Variants in RAB30 observed in about 807,000 individuals in gnomAD.
RAB30 encodes the protein ras-related protein Rab-30.
In RAB30, 9 loss-of-function variants were observed where a neutral mutation model predicts 25.1. The ratio of observed to expected loss-of-function variants is 0.36; its 90% CI spans 0.22 to 0.63. RAB30 has a LOEUF of 0.63. Among genes scored for constraint, RAB30 ranks in the 20% least tolerant of loss-of-function variants. RAB30 has a pLI of 0.69. For missense variants in RAB30, 140 were observed against 243.5 expected (o/e 0.58, Z 2.83); for synonymous variants, 77 against 86.4 (o/e 0.89, Z 0.60).
intron 3 of RAB30, among the ~76,000 whole-genome samples, chr11:82,992,866 CT>C (rs1234695297): frequency 1.3e-5 from 2 of 152,144 alleles, no homozygotes; most frequent in Non-Finnish European, 2.9e-5. Context: ...TCTCACTCAG[CT>C]TCCCGAGTAG....
At chr11:83,042,146 C>T (rs1039429065) in intron 1 of RAB30, among the ~76,000 whole-genome samples, 1 of 152,074 alleles carries the variant, frequency 6.6e-6, no homozygotes, top group African/African-American at 2.4e-5. Context: ...GGGAACACGC[C>T]TTACCATTCT....
intron 1 of RAB30, among the ~76,000 whole-genome samples, chr11:83,029,213 C>T (rs1438817779): frequency 6.6e-6 from 1 of 152,118 alleles, no homozygotes; most frequent in African/African-American, 2.4e-5. Flanking sequence ...AACAACCCCA[C>T]TGCCATTAAA....
intron 1 of RAB30, among the ~76,000 whole-genome samples, chr11:83,011,814 C>G (rs754387559): frequency 7.9e-5 from 12 of 152,124 alleles, no homozygotes; most frequent in South Asian, 2.1e-4. Flanking sequence ...GTTTTCCCTG[C>G]CTTCTTCCTG....
intron 1 of RAB30, among the ~76,000 whole-genome samples, chr11:83,003,271 C>G (rs898004141): frequency 6.6e-6 from 1 of 152,098 alleles, no homozygotes; most frequent in Non-Finnish European, 1.5e-5. Context: ...AATGGTTTTT[C>G]CCACCATTCT....
chr11:82,982,839 G>A (rs1273166565), intron 4 of RAB30, among the ~76,000 whole-genome samples: 1 of 151,986 alleles, frequency 6.6e-6, no homozygotes, highest in African/African-American at 2.4e-5. Flanking sequence ...TCTAGCTTGG[G>A]TGACAGAGTG....
Position 82,987,733 on chromosome 11 carries a change from C to T in RAB30, c.215G>A (p.Arg72Gln). 6.2e-7 allele frequency: 1 copy of T among 1,611,666 alleles called. No individual in the cohort carries two copies. The highest frequency in any genetic ancestry group is 8.5e-7 in the Non-Finnish European group (1 of 1,178,702). The change falls in exon 4 of 5, where the codon CGG becomes CAG. Residue 72 changes from arginine (R) to glutamine (Q), a missense_variant. Transcript: ENST00000527633. Reference protein sequence around the residue: ...IWDTAGQERFRSITQSYYRSA... With the variant: ...IWDTAGQERFQSITQSYYRSA... ...TCGGTAGTAACTCTGGGTAATGGAC[C>T]GAAATCTCTCTTGACCTGCTGTGTC...
At chr11:83,017,953 T>G (rs902101988) in intron 1 of RAB30, among the ~76,000 whole-genome samples, 1 of 152,254 alleles carries the variant, frequency 6.6e-6, no homozygotes, top group Non-Finnish European at 1.5e-5. Context: ...GGAATCTCTG[T>G]ACAGTTTTCC....
intron 1 of RAB30, among the ~76,000 whole-genome samples, chr11:83,014,737 TAAGAA>T (rs1427820246): frequency 2.5e-5 from 2 of 78,542 alleles, no homozygotes; most frequent in Non-Finnish European, 5.5e-5. Flanking sequence ...GAAAAAGAAA[TAAGAA>T]AGAAAAAGAA....
chr11:83,058,908 C>G (rs1858508486), intron 1 of RAB30, among the ~76,000 whole-genome samples: 1 of 152,196 alleles, frequency 6.6e-6, no homozygotes, highest in South Asian at 2.1e-4. Context: ...TAAAGCATCC[C>G]TCTGTCTCCT....
At chr11:83,009,782 G>T (rs1398466336) in intron 1 of RAB30, among the ~76,000 whole-genome samples, 2 of 152,138 alleles carry the variant, frequency 1.3e-5, no homozygotes, top group African/African-American at 4.8e-5. Context: ...TTCCTCAATA[G>T]CAACTTTTCA....
At position 83,048,732 on chromosome 11, in the gene RAB30, G is replaced by C. The variant is rs998034729; in HGVS notation, c.-9+22959C>G. On this transcript the variant is annotated intron_variant, in intron 1 of 4. Transcript: ENST00000527633. ...TGTTAGCCTGCATCCTTGTTTGAGAGGTAAGGAGCCTGCATTAGGTTCATG... is the reference window on the plus strand; with the variant it reads ...TGTTAGCCTGCATCCTTGTTTGAGACGTAAGGAGCCTGCATTAGGTTCATG... 2.6e-5 allele frequency among the ~76,000 whole-genome samples: 4 copies of C among 152,216 alleles called. No individual in the cohort carries two copies. In the East Asian group the frequency reaches 7.7e-4, roughly 29 times the overall value.
intron 1 of RAB30, among the ~76,000 whole-genome samples, chr11:83,040,591 T>TCA (rs1366861126): frequency 2.3e-5 from 2 of 85,918 alleles, no homozygotes; most frequent in Non-Finnish European, 4.5e-5. Context: ...AAACTCTGTC[T>TCA]CAAAAAAAAA....
chr11:83,057,288 T>C (rs1414021625), intron 1 of RAB30, among the ~76,000 whole-genome samples: 4 of 152,116 alleles, frequency 2.6e-5, no homozygotes, highest in African/African-American at 9.7e-5. Flanking sequence ...AAATAGATTT[T>C]TATTACTATT....
intron 1 of RAB30, among the ~76,000 whole-genome samples, chr11:82,998,112 C>A (rs1856997204): frequency 6.6e-6 from 1 of 152,204 alleles, no homozygotes; most frequent in Non-Finnish European, 1.5e-5. Context: ...TAAAACTTCA[C>A]TTGCTGTATA....
intron 1 of RAB30, among the ~76,000 whole-genome samples, chr11:83,011,055 T>G (rs550083216): frequency 3.3e-5 from 5 of 152,318 alleles, no homozygotes; most frequent in African/African-American, 1.2e-4. Flanking sequence ...AAAGTAAAAA[T>G]GTGTTATGCT....
intron 1 of RAB30, among the ~76,000 whole-genome samples, chr11:83,002,981 C>T (rs994255286): frequency 6.6e-6 from 1 of 152,194 alleles, no homozygotes; most frequent in African/African-American, 2.4e-5. Context: ...TATTCAAAAA[C>T]TGTGTGTCTC....
intron 1 of RAB30, among the ~76,000 whole-genome samples, chr11:83,027,068 T>C (rs1208981106): frequency 6.6e-6 from 1 of 151,912 alleles, no homozygotes; most frequent in East Asian, 1.9e-4. Flanking sequence ...AGATTCCCCC[T>C]CCTCATTAAC....
intron 1 of RAB30, among the ~76,000 whole-genome samples, chr11:83,051,359 ACCT>A (rs1360280460): frequency 6.6e-6 from 1 of 151,554 alleles, no homozygotes; most frequent in Non-Finnish European, 1.5e-5. Context: ...CTGCTCTAAA[ACCT>A]CCTGGTTCCG....
At chr11:83,000,373 TG>T (rs1857051369) in intron 1 of RAB30, among the ~76,000 whole-genome samples, 1 of 152,202 alleles carries the variant, frequency 6.6e-6, no homozygotes, top group South Asian at 2.1e-4. Flanking sequence ...TCTACCACCC[TG>T]TAGAAGTTTA....
Sources: allele counts gnomAD v4.1 joint callset (sites outside exome capture counted in the v4.1 genomes callset), GRCh38; gene constraint gnomAD v4.1.1; transcripts MANE v1.5; gene names NCBI Gene and HGNC (gene_info 2026-07-23, HGNC 2026-07-21).